The following TNFRSF8 variants were observed in gnomAD, a reference collection of about 807,000 sequenced individuals.
The protein encoded by TNFRSF8 is tumor necrosis factor receptor superfamily member 8.
TNFRSF8 carries 26 observed loss-of-function variants against 70.8 expected under a neutral mutation model. The observed-to-expected ratio is 0.37, with a 90% CI of 0.27 to 0.51. The LOEUF (loss-of-function observed/expected upper bound fraction) is 0.51. TNFRSF8 is among the 20% of genes least tolerant of loss of function. TNFRSF8 has a pLI of 0.94. For missense variants in TNFRSF8, 720 were observed against 807.9 expected, an observed-to-expected ratio of 0.89 and a Z score of 1.32; for synonymous variants, 356 against 339.2, an observed-to-expected ratio of 1.05 and a Z score of -0.54.
chr1:12,111,905 C>G lies in TNFRSF8; in HGVS notation c.684C>G (p.Ser228=). The change falls in exon 7 of 15, where the codon TCC becomes TCG. Residue 228 remains serine, a synonymous_variant. Transcript: ENST00000263932. ...VGRPSSDPGL[S]PTQPCPEGSG... ...CTCTGCTTCTTTCCCCAGGTCTGTC[C>G]CCAACACAGCCATGCCCAGAGGGGT... is the stretch of plus-strand genomic sequence containing the variant. 1 of 1,614,120 alleles carries G rather than the reference C, an allele frequency of 6.2e-7. No homozygotes were observed. The highest frequency in any genetic ancestry group is 8.5e-7 in the Non-Finnish European group (1 of 1,179,944).
At chr1:12,118,955 C>T (rs1045350729) in intron 8 of TNFRSF8, among the ~76,000 whole-genome samples, 11 of 152,152 alleles carry the variant, frequency 7.2e-5, no homozygotes, top group Non-Finnish European at 1.6e-4. Flanking sequence ...ACCTCCACCT[C>T]CCGGGTTCAA....
At chr1:12,084,433 C>T (rs1198776964) in intron 1 of TNFRSF8, 31 bp from the exon 2 acceptor site, 1 of 1,603,464 alleles carries the variant, frequency 6.2e-7, no homozygotes, top group Non-Finnish European at 8.5e-7. Flanking sequence ...CTGGGATCCA[C>T]CTGGCCTCAC....
In TNFRSF8 at chr1:12,115,595, C is replaced by A; in HGVS notation, c.812C>A (p.Thr271Lys). The change falls in exon 8 of 15, where the codon ACG becomes AAG. Residue 271 changes from threonine to lysine, a missense_variant. Physicochemically the swap from Thr to Lys is moderately conservative, Grantham distance 78. Transcript: ENST00000263932. ...CCCTTAGATGACCTTGTGGAGAAGACGCCATGTGCATGGAACTCCTCCCGC... is the reference window on the plus strand; with the variant it reads ...CCCTTAGATGACCTTGTGGAGAAGAAGCCATGTGCATGGAACTCCTCCCGC... Reference protein sequence around the residue: ...SCSRDDLVEKTPCAWNSSRTC... With the variant: ...SCSRDDLVEKKPCAWNSSRTC... The A allele has an allele frequency of 6.2e-7, 1 of 1,614,198 alleles. No homozygotes were observed. Among genetic ancestry groups the A allele is most frequent in the Non-Finnish European group, 8.5e-7 (1 of 1,180,046 alleles).
intron 1 of TNFRSF8, among the ~76,000 whole-genome samples, chr1:12,081,475 G>T (rs980501164): frequency 2.0e-5 from 3 of 152,032 alleles, no homozygotes; most frequent in Admixed American, 1.3e-4. Context: ...AGGCTCCCAG[G>T]AGCCCTCTGG....
intron 2 of TNFRSF8, among the ~76,000 whole-genome samples, chr1:12,087,129 C>G (rs1484209956): frequency 7.9e-6 from 1 of 126,134 alleles, no homozygotes; most frequent in Non-Finnish European, 1.7e-5. Context: ...ATCCATCCAT[C>G]ATCCATCCAA....
In TNFRSF8 at chr1:12,123,833, G is replaced by T; in HGVS notation, c.1153+6G>T. On this transcript the variant is annotated splice_donor_region_variant and intron_variant, in intron 10 of 14. Coordinates refer to ENST00000263932, the MANE Select transcript of TNFRSF8 (RefSeq NM_001243.5). ...GAAGCCCGTTCTGGATGCAGGTAAT[G>T]GTCCCAGCCCACTCACCCCTACTCC... 1.3e-6 allele frequency: 2 copies of T among 1,556,270 alleles called. No homozygotes were observed.
Position 12,123,794 on chromosome 1 carries a change from C to T in TNFRSF8, c.1120C>T (p.Leu374Phe), listed in dbSNP as rs900200100. 1.3e-6 allele frequency: 2 copies of T among 1,575,530 alleles called. No homozygotes were observed. The highest frequency in any genetic ancestry group is 1.2e-5 in the South Asian group (1 of 85,718). Residue 374 changes from leucine to phenylalanine, a missense_variant, in exon 10 of 15, where the codon CTC (leucine) becomes TTC (phenylalanine). Physicochemically the swap from Leu to Phe is conservative, Grantham distance 22 (BLOSUM62 0). Transcript: ENST00000263932. ...LPIPTSAPVALSSTGKPVLDA... is the reference protein window; with the variant it reads ...LPIPTSAPVAFSSTGKPVLDA... ...CATCCCAACCAGCGCTCCCGTCGCT[C>T]TCTCCTCCACGGGGAAGCCCGTTCT...
At chr1:12,128,145 C>T (rs367842544) in intron 12 of TNFRSF8, among the ~76,000 whole-genome samples, 3 of 152,210 alleles carry the variant, frequency 2.0e-5, no homozygotes, top group African/African-American at 4.8e-5. Flanking sequence ...TTTATTGGTT[C>T]GTTCATTCAT....
intron 1 of TNFRSF8, among the ~76,000 whole-genome samples, chr1:12,078,551 G>A (rs186491391): frequency 5.3e-5 from 8 of 152,264 alleles, no homozygotes; most frequent in East Asian, 1.9e-4. Context: ...GCGACGGAGC[G>A]AGTACTCTGT....
Position 12,110,043 on chromosome 1 carries a change from GC to G in TNFRSF8, c.516del (p.Thr173ProfsTer22). 6.2e-7 allele frequency: 1 copy of G among 1,612,430 alleles called. No homozygotes were observed. Among genetic ancestry groups the G allele is most frequent in the Non-Finnish European group, 8.5e-7 (1 of 1,179,252 alleles). ...SPENCKEPSSGTIPQAKPTPV... is the reference protein window; with the variant it reads ...SPENCKEPSSXTIPQAKPTPV... ...CCCATCTCTGGCTTCTTCCCCAGTG[GC>G]ACCATCCCCCAGGCCAAGCCCACCC... On this transcript the variant is annotated frameshift_variant, in exon 6 of 15. Transcript: ENST00000263932. LOFTEE classifies it high-confidence loss of function. The surrounding 1 kb of genome is among the most constrained non-coding windows in gnomAD (Gnocchi z 4.0).
At chr1:12,116,051 G>A (rs745772653) in intron 8 of TNFRSF8, among the ~76,000 whole-genome samples, 1 of 151,954 alleles carries the variant, frequency 6.6e-6, no homozygotes, top group African/African-American at 2.4e-5. Context: ...GCTCAATCTC[G>A]GCTCACCGCA....
At chr1:12,104,340 C>A in intron 3 of TNFRSF8, 39 bp from the exon 4 acceptor site, 1 of 1,613,328 alleles carries the variant, frequency 6.2e-7, no homozygotes, top group Non-Finnish European at 8.5e-7. Context: ...AGACGCCTTC[C>A]TTCTGTTCCC....
chr1:12,105,573 T>TCGCA (rs1553156027), intron 4 of TNFRSF8, among the ~76,000 whole-genome samples: 2 of 147,364 alleles, frequency 1.4e-5, no homozygotes, highest in Non-Finnish European at 3.0e-5. Context: ...TCTCTCTGTC[T>TCGCA]CACACACACA....
At chr1:12,097,710 T>C (rs1468110919) in intron 3 of TNFRSF8, among the ~76,000 whole-genome samples, 1 of 152,046 alleles carries the variant, frequency 6.6e-6, no homozygotes, top group Admixed American at 6.6e-5. Flanking sequence ...GAATGCAGTC[T>C]GTGTGCTATC....
chr1:12,070,761 G>A (rs1011810785), intron 1 of TNFRSF8, among the ~76,000 whole-genome samples: 5 of 152,232 alleles, frequency 3.3e-5, no homozygotes, highest in African/African-American at 1.2e-4. Context: ...ATTTTGGGAT[G>A]TGGGAAAAAA....
rs990787535 is a variant in TNFRSF8 at position 12,124,301 on chromosome 1, G to A, written c.1153+474G>A. Among the ~76,000 whole-genome samples, 4 of 152,086 alleles carry A rather than the reference G, an allele frequency of 2.6e-5. 1 individual carries two copies. The highest frequency in any genetic ancestry group is 2.1e-4 in the South Asian group (1 of 4,832). On this transcript the variant is annotated intron_variant, in intron 10 of 14. Transcript: ENST00000263932. ...TAGGATTATAGGTGTGAACCACTGCGCCTGGCTGCTAGTGACTATTCTTTA... is the reference window on the plus strand; with the variant it reads ...TAGGATTATAGGTGTGAACCACTGCACCTGGCTGCTAGTGACTATTCTTTA...
rs1640988571 is a variant in TNFRSF8 at position 12,077,620 on chromosome 1, C to T, written c.64-6844C>T. Among the ~76,000 whole-genome samples, 3 of 152,256 alleles carry T rather than the reference C, an allele frequency of 2.0e-5. 1 individual carries two copies. In the South Asian group the frequency reaches 6.2e-4, roughly 32 times the overall value. ...CTTCCGCTAGGCACACAGCACATGA[C>T]CTGGATGGGGGTGATCAGAGAGGGC... On this transcript the variant is annotated intron_variant, in intron 1 of 14. Coordinates refer to ENST00000263932, the MANE Select transcript of TNFRSF8 (RefSeq NM_001243.5).
rs554440114 is a variant in TNFRSF8, at chr1:12,119,117, C to T, written c.946+3388C>T. On this transcript the variant is annotated intron_variant, in intron 8 of 14. Coordinates refer to ENST00000263932, the MANE Select transcript of TNFRSF8 (RefSeq NM_001243.5). The surrounding 1 kb of genome is among the most constrained non-coding windows in gnomAD (Gnocchi z 4.4). ...TGACCTGGTGATCCGCCTGCCTCGG[C>T]CTCGCAAAAGTGCTGGGATTACCGG... Among the ~76,000 whole-genome samples the T allele has an allele frequency of 6.6e-6, 1 of 152,220 alleles. No individual in the cohort carries two copies. The highest frequency in any genetic ancestry group is 2.4e-5 in the African/African-American group (1 of 41,452).
intron 7 of TNFRSF8, among the ~76,000 whole-genome samples, chr1:12,114,020 AAG>A (rs1407214351): frequency 6.6e-6 from 1 of 152,200 alleles, no homozygotes; most frequent in African/African-American, 2.4e-5. Flanking sequence ...CATATGGAGA[AAG>A]AGGTGTTGGC....
Sources: gnomAD v4.1 joint callset for allele counts (sites outside exome capture counted in the v4.1 genomes callset) on GRCh38, gnomAD v4.1.1 for gene constraint, Gnocchi (gnomAD v3.1) non-coding constraint, MANE v1.5 for transcripts, NCBI Gene and HGNC (gene_info 2026-07-23, HGNC 2026-07-21) for gene names.